NEDD4L: variants seen among roughly 807,000 people sequenced by gnomAD.
The protein encoded by NEDD4L is E3 ubiquitin-protein ligase NEDD4-like.
In NEDD4L, 54 loss-of-function variants were observed where a neutral mutation model predicts 148.9. The observed-to-expected ratio is 0.36, with a 90% CI of 0.29 to 0.45. The LOEUF is 0.45. Ranked by LOEUF, NEDD4L falls within the 20% of genes least tolerant of loss-of-function variation. The pLI is 1.00. For missense variants in NEDD4L, 856 were observed against 1,233.8 expected, an observed-to-expected ratio of 0.69 and a Z score of 4.59; for synonymous variants, 433 against 440.7, an observed-to-expected ratio of 0.98 and a Z score of 0.22.
At chr18:58,370,515 T>C (rs1320019209) in intron 23 of NEDD4L, 48 bp downstream of exon 23, 3 of 1,243,338 alleles carry the variant, frequency 2.4e-6, no homozygotes, top group Non-Finnish European at 2.4e-6. Flanking sequence ...CACTCGTGTC[T>C]TATGAGAAGG....
intron 5 of NEDD4L, among the ~76,000 whole-genome samples, chr18:58,287,103 T>G (rs1025482807): frequency 2.6e-5 from 4 of 152,060 alleles, no homozygotes; most frequent in Non-Finnish European, 5.9e-5. Flanking sequence ...TCTTTTTTTT[T>G]TTTTTGTTTT....
intron 18 of NEDD4L, among the ~76,000 whole-genome samples, chr18:58,353,436 T>C (rs1028044514): frequency 2.6e-5 from 4 of 152,256 alleles, no homozygotes; most frequent in East Asian, 1.9e-4. Context: ...TAAAGAGATA[T>C]AGCATAAATT....
intron 1 of NEDD4L, chr18:58,045,026 C>A (rs769344218): frequency 2.2e-5 from 9 of 409,738 alleles, no homozygotes; most frequent in Non-Finnish European, 3.0e-5. Context: ...CTCCAAGCAG[C>A]GTCTCCCGGG....
At chr18:58,054,328 A>G (rs530080593) in intron 1 of NEDD4L, among the ~76,000 whole-genome samples, 31 of 152,240 alleles carry the variant, frequency 2.0e-4, no homozygotes, top group Admixed American at 1.6e-3. Context: ...GCTAGTCTCT[A>G]TTTTTCCTTC....
At chr18:58,347,198 C>T (rs896123990) in intron 16 of NEDD4L, among the ~76,000 whole-genome samples, 14 of 115,172 alleles carry the variant, frequency 1.2e-4, no homozygotes, top group South Asian at 7.1e-4. Flanking sequence ...CTTCTTTTCA[C>T]GCTACGGCCC....
chr18:58,143,984 G>A (rs2033834319), intron 1 of NEDD4L, among the ~76,000 whole-genome samples: 1 of 152,116 alleles, frequency 6.6e-6, no homozygotes, highest in Non-Finnish European at 1.5e-5. Flanking sequence ...GAAACAGCAG[G>A]TGGTTCAGTT....
intron 1 of NEDD4L, among the ~76,000 whole-genome samples, chr18:58,096,670 A>G (rs1284983465): frequency 6.6e-6 from 1 of 151,646 alleles, no homozygotes; most frequent in Non-Finnish European, 1.5e-5. Context: ...TGCTGGGATT[A>G]CAGGCATGAG....
intron 1 of NEDD4L, among the ~76,000 whole-genome samples, chr18:58,118,275 G>T (rs1420346728): frequency 1.3e-5 from 2 of 152,390 alleles, no homozygotes; most frequent in Admixed American, 1.3e-4. Context: ...GGCGCTGCTT[G>T]CGCAGTAAGC....
At chr18:58,250,307 G>T (rs559478332) in intron 4 of NEDD4L, among the ~76,000 whole-genome samples, 3 of 152,052 alleles carry the variant, frequency 2.0e-5, no homozygotes, top group African/African-American at 7.2e-5. Context: ...GTACCACCAC[G>T]CCTGGCTAAT....
chr18:58,175,487 T>G, intron 2 of NEDD4L, among the ~76,000 whole-genome samples: 1 of 152,276 alleles, frequency 6.6e-6, no homozygotes, highest in East Asian at 1.9e-4. Context: ...CTGTGCAGAG[T>G]CTGTCTGTGA....
At chr18:58,353,688 G>T (rs2044216421) in intron 18 of NEDD4L, among the ~76,000 whole-genome samples, 1 of 152,218 alleles carries the variant, frequency 6.6e-6, no homozygotes, top group South Asian at 2.1e-4. Context: ...TTCCAAATGG[G>T]TTGAATTACC....
At chr18:58,169,159 C>T (rs920362461) in intron 2 of NEDD4L, among the ~76,000 whole-genome samples, 4 of 152,202 alleles carry the variant, frequency 2.6e-5, no homozygotes, top group African/African-American at 7.2e-5. Context: ...TCGGCCGTCT[C>T]GGCCCCAGTC....
chr18:58,165,776 T>A lies in NEDD4L; in HGVS notation c.49-12T>A, dbSNP rs747398052. Reference sequence around the variant, plus strand: ...AGGTTTTTAACCTCTTTTTTTGTTCTCCTTCTCACAGGGAGAGTCCCGTAT... The same window carrying A: ...AGGTTTTTAACCTCTTTTTTTGTTCACCTTCTCACAGGGAGAGTCCCGTAT... On this transcript the variant is annotated splice_polypyrimidine_tract_variant and intron_variant, in intron 1 of 30. Coordinates refer to ENST00000400345, the MANE Select transcript of NEDD4L (RefSeq NM_001144967.3). The A allele has an allele frequency of 3.7e-6, 6 of 1,606,522 alleles. No homozygotes were observed. The highest frequency in any genetic ancestry group is 1.1e-5 in the South Asian group (1 of 89,518).
At chr18:58,133,963 G>A (rs953957174) in intron 1 of NEDD4L, among the ~76,000 whole-genome samples, 2 of 152,036 alleles carry the variant, frequency 1.3e-5, no homozygotes, top group Non-Finnish European at 1.5e-5. Flanking sequence ...AGAGTGTGAG[G>A]TATGAAAGGA....
At chr18:58,057,357 C>A (rs773393511) in intron 1 of NEDD4L, among the ~76,000 whole-genome samples, 3 of 151,902 alleles carry the variant, frequency 2.0e-5, no homozygotes, top group Non-Finnish European at 4.4e-5. Flanking sequence ...TACAATGAAC[C>A]TTCTATTTGG....
chr18:58,383,150 A>T (rs990155621), intron 24 of NEDD4L, 96 bp from the exon 25 acceptor site: 15 of 705,778 alleles, frequency 2.1e-5, no homozygotes, highest in Admixed American at 8.9e-5. Flanking sequence ...TTCTGAATAC[A>T]TGTTGTCTTC....
intron 5 of NEDD4L, among the ~76,000 whole-genome samples, chr18:58,270,614 A>G (rs1012551494): frequency 6.6e-6 from 1 of 152,204 alleles, no homozygotes; most frequent in Non-Finnish European, 1.5e-5. Flanking sequence ...AACATTTATC[A>G]ACAGTGCTGT....
At chr18:58,250,143 G>GT (rs2047722548) in intron 4 of NEDD4L, among the ~76,000 whole-genome samples, 1 of 151,714 alleles carries the variant, frequency 6.6e-6, no homozygotes, top group African/African-American at 2.4e-5. Context: ...TTTTTTGTTT[G>GT]TTTGTTTTGT....
In NEDD4L at chr18:58,330,805, C is replaced by G. The variant is rs988690506; in HGVS notation, c.881C>G (p.Pro294Arg). The part of the protein sequence containing the change: ...GDSLGLALPP[P>R]PASPGSRTSP... ...TCTCTCGGTCTGGCTCTGCCCCCAC[C>G]ACCGGCCTCCCCAGGATCTCGGACC... The change falls in exon 11 of 31, where the codon CCA becomes CGA. Residue 294 changes from proline to arginine, a missense_variant. By Grantham distance (103) the Pro-to-Arg change is moderately radical. Transcript: ENST00000400345. 16 of 1,613,796 alleles carry G rather than the reference C, an allele frequency of 9.9e-6. No homozygotes were observed. The highest frequency in any genetic ancestry group is 2.2e-5 in the East Asian group (1 of 44,876).
Sources: gnomAD v4.1 joint callset for allele counts (sites outside exome capture counted in the v4.1 genomes callset) on GRCh38, gnomAD v4.1.1 for gene constraint, MANE v1.5 for transcripts, NCBI Gene and HGNC (gene_info 2026-07-23, HGNC 2026-07-21) for gene names.